GPC5: variants seen among roughly 807,000 people sequenced by gnomAD.
GPC5 encodes the protein glypican-5.
In GPC5, 47 loss-of-function variants were observed where a neutral mutation model predicts 53.9. The observed-to-expected ratio is 0.87, with a 90% CI of 0.69 to 1.11. The LOEUF is 1.11. Among genes scored for constraint, GPC5 ranks in the 50% most tolerant of loss-of-function variants. GPC5 has a pLI of 0.00. For synonymous variants in GPC5, 286 were observed against 263.3 expected (o/e 1.09, Z -0.84); for missense variants, 748 against 713.1 (o/e 1.05, Z -0.56).
chr13:91,400,231 C>G (rs1229212935), intron 1 of GPC5, among the ~76,000 whole-genome samples: 1 of 152,130 alleles, frequency 6.6e-6, no homozygotes. Flanking sequence ...TCTAAAGTCC[C>G]GAGTTTCCAG....
intron 5 of GPC5, among the ~76,000 whole-genome samples, chr13:91,802,280 G>A (rs1467208029): frequency 1.3e-5 from 2 of 151,874 alleles, no homozygotes; most frequent in Admixed American, 6.6e-5. Context: ...GACTTCAGGA[G>A]TGCAGACACA....
chr13:92,215,233 C>T (rs957776695), intron 7 of GPC5, among the ~76,000 whole-genome samples: 1 of 152,168 alleles, frequency 6.6e-6, no homozygotes, highest in African/African-American at 2.4e-5. Flanking sequence ...AGCTTTGTAA[C>T]TTAAAACACA....
chr13:91,425,085 T>G (rs1373328782), intron 1 of GPC5, among the ~76,000 whole-genome samples: 2 of 152,204 alleles, frequency 1.3e-5, no homozygotes, highest in Non-Finnish European at 2.9e-5. Context: ...TATTTTTCAT[T>G]TAAAATGGAA....
chr13:92,565,606 T>C (rs1453203915), intron 7 of GPC5, among the ~76,000 whole-genome samples: 10 of 152,038 alleles, frequency 6.6e-5, no homozygotes, highest in Non-Finnish European at 1.0e-4. Flanking sequence ...TCTCTCAAAC[T>C]AAGACCACAA....
intron 1 of GPC5, among the ~76,000 whole-genome samples, chr13:91,423,789 T>C (rs1878815967): frequency 6.6e-6 from 1 of 152,230 alleles, no homozygotes; most frequent in African/African-American, 2.4e-5. Flanking sequence ...CCTGATTTAA[T>C]TATTCCACAA....
At chr13:92,797,180 A>G (rs1876715638) in intron 7 of GPC5, among the ~76,000 whole-genome samples, 1 of 151,998 alleles carries the variant, frequency 6.6e-6, no homozygotes, top group Admixed American at 6.6e-5. Flanking sequence ...TTGGTTTCTG[A>G]TTAAAGGATC....
chr13:92,197,057 A>T (rs565933033), intron 7 of GPC5, among the ~76,000 whole-genome samples: 2 of 152,340 alleles, frequency 1.3e-5, no homozygotes, highest in Admixed American at 6.5e-5. Context: ...GTCGCACCAC[A>T]GACAGCAGTG....
At chr13:92,444,235 AGT>A (rs1331735727) in intron 7 of GPC5, among the ~76,000 whole-genome samples, 1 of 152,202 alleles carries the variant, frequency 6.6e-6, no homozygotes, top group Non-Finnish European at 1.5e-5. Context: ...GAGGGATATT[AGT>A]TCAATAGATG....
intron 1 of GPC5, among the ~76,000 whole-genome samples, chr13:91,403,128 A>G (rs919815371): frequency 6.6e-6 from 1 of 152,252 alleles, no homozygotes; most frequent in Admixed American, 6.5e-5. Context: ...TTGCTGTTTG[A>G]ACAACGTGTT....
chr13:91,423,318 AT>A (rs2138992618), intron 1 of GPC5, among the ~76,000 whole-genome samples: 1 of 152,288 alleles, frequency 6.6e-6, no homozygotes, highest in South Asian at 2.1e-4. Context: ...GGCTGTTTTT[AT>A]TATTGAAATG....
chr13:92,701,284 T>G (rs951633648), intron 7 of GPC5: 1 of 152,124 alleles, frequency 6.6e-6, no homozygotes, highest in Admixed American at 6.6e-5. Context: ...TGTTGTAGTA[T>G]TCTTCATGAA....
intron 7 of GPC5, among the ~76,000 whole-genome samples, chr13:92,657,579 G>GTTTTTTTTTT (rs67038073): frequency 7.5e-5 from 8 of 106,718 alleles, no homozygotes; most frequent in African/African-American, 1.1e-4. Context: ...AGGTTTTTTG[G>GTTTTTTTTTT]TTTTTTTTTT....
intron 7 of GPC5, among the ~76,000 whole-genome samples, chr13:92,398,165 C>G (rs1875372896): frequency 6.6e-6 from 1 of 151,918 alleles, no homozygotes; most frequent in Non-Finnish European, 1.5e-5. Context: ...TATTCCACTC[C>G]ACGCCTGTAA....
intron 6 of GPC5, among the ~76,000 whole-genome samples, chr13:91,931,158 G>A (rs1389809359): frequency 1.3e-5 from 2 of 151,860 alleles, no homozygotes; most frequent in Non-Finnish European, 2.9e-5. Flanking sequence ...TGTTAAAACT[G>A]TAATAGTTTC....
chr13:91,883,483 G>C (rs2138954459), intron 5 of GPC5, among the ~76,000 whole-genome samples: 1 of 152,314 alleles, frequency 6.6e-6, no homozygotes, highest in East Asian at 1.9e-4. Context: ...GAAGGCATTT[G>C]AGGAGAGACT....
intron 7 of GPC5, among the ~76,000 whole-genome samples, chr13:92,529,179 TAACA>T (rs1277652681): frequency 2.0e-5 from 3 of 152,158 alleles, no homozygotes; most frequent in Non-Finnish European, 2.9e-5. Context: ...TAGGATATTT[TAACA>T]AACAGTTAAA....
At chr13:92,264,526 AATGGAGC>A (rs1212822037) in intron 7 of GPC5, among the ~76,000 whole-genome samples, 1 of 152,060 alleles carries the variant, frequency 6.6e-6, no homozygotes, top group Non-Finnish European at 1.5e-5. Flanking sequence ...GCAATGAAAA[AATGGAGC>A]AAGGAGAGCT....
At chr13:92,494,060 T>TG (rs11390395) in intron 7 of GPC5, among the ~76,000 whole-genome samples, 53,422 of 143,344 alleles carry the variant, frequency 0.37, 10,218 homozygotes, top group African/African-American at 0.49. Flanking sequence ...TTGTGTTTTT[T>TG]TTTGTTTGTT....
chr13:92,050,736 T>G (rs1256843789), intron 6 of GPC5, among the ~76,000 whole-genome samples: 2 of 152,216 alleles, frequency 1.3e-5, no homozygotes, highest in East Asian at 3.8e-4. Context: ...TAATAGAATT[T>G]GATCACTTCT....
Sources: allele counts gnomAD v4.1 joint callset (sites outside exome capture counted in the v4.1 genomes callset), GRCh38; gene constraint gnomAD v4.1.1; transcripts MANE v1.5; gene names NCBI Gene and HGNC (gene_info 2026-07-23, HGNC 2026-07-21).